Variants in PKP4 observed in about 807,000 individuals in gnomAD.
The protein encoded by PKP4 is plakophilin-4.
Under a neutral mutation model 145.1 loss-of-function variants are expected in PKP4, and 90 were observed. The ratio of observed to expected loss-of-function variants is 0.62; its 90% CI spans 0.52 to 0.74. PKP4 has a LOEUF of 0.74. Among genes scored for constraint, PKP4 ranks in the 30% least tolerant of loss-of-function variants. The pLI is 0.00. For synonymous variants in PKP4, 563 were observed against 577.2 expected (o/e 0.98, Z 0.35); for missense variants, 1,340 against 1,482.7 (o/e 0.90, Z 1.58).
chr2:158,577,877 AAATG>A (rs1173765029), intron 3 of PKP4, among the ~76,000 whole-genome samples: 1 of 152,234 alleles, frequency 6.6e-6, no homozygotes, highest in Non-Finnish European at 1.5e-5. Context: ...AGTAAATACT[AAATG>A]AGTGCATTAC....
intron 1 of PKP4, among the ~76,000 whole-genome samples, chr2:158,486,025 A>G (rs1175727271): frequency 1.3e-5 from 2 of 152,168 alleles, no homozygotes; most frequent in African/African-American, 4.8e-5. Flanking sequence ...AAATCTATGT[A>G]ATTATTAATA....
In PKP4 at chr2:158,634,164, G is replaced by A. The variant is rs200605632; in HGVS notation, c.1437G>A (p.Ala479=). The A allele has an allele frequency of 6.0e-5, 97 of 1,613,884 alleles. No individual in the cohort carries two copies. The highest frequency in any genetic ancestry group is 7.7e-5 in the South Asian group (7 of 91,078). ...CTCTGAACACAACAGCTACCTACGC[G>A]GAGCCCTACAGGCCTATACAATACC... The part of the protein sequence containing the change: ...NYALNTTATY[A]EPYRPIQYRV... The change falls in exon 9 of 22, where the codon GCG becomes GCA. Residue 479 remains alanine, a synonymous_variant. Coordinates refer to ENST00000389759, the MANE Select transcript of PKP4 (RefSeq NM_003628.6).
Position 158,621,257 on chromosome 2 carries a change from A to G in PKP4, c.439A>G (p.Thr147Ala). The G allele has an allele frequency of 6.2e-7, 1 of 1,614,218 alleles. No homozygotes were observed. The highest frequency in any genetic ancestry group is 1.1e-5 in the South Asian group (1 of 91,088). ...ATCATTGGGTAACTCAAGAAGTTCA[A>G]CACAAATGAATTCTTATTCCGACAG... ...EGSLGNSRSSTQMNSYSDSGY... is the reference protein window; with the variant it reads ...EGSLGNSRSSAQMNSYSDSGY... Residue 147 changes from threonine to alanine, a missense_variant, in exon 6 of 22, where the codon ACA becomes GCA. Transcript: ENST00000389759.
intron 11 of PKP4, among the ~76,000 whole-genome samples, chr2:158,654,261 T>C (rs1460987921): frequency 6.6e-6 from 1 of 152,310 alleles, no homozygotes; most frequent in East Asian, 1.9e-4. Flanking sequence ...GTGATAAAGC[T>C]GCCTTTTGGT....
intron 2 of PKP4, among the ~76,000 whole-genome samples, chr2:158,551,131 C>T (rs910197900): frequency 2.6e-5 from 4 of 152,088 alleles, no homozygotes. Flanking sequence ...TGCTTTTAGG[C>T]TTACGTGGAA....
At chr2:158,568,304 C>CGA (rs1413741670) in intron 2 of PKP4, among the ~76,000 whole-genome samples, 1 of 152,198 alleles carries the variant, frequency 6.6e-6, no homozygotes, top group Non-Finnish European at 1.5e-5. Context: ...TGCCATTGCA[C>CGA]TCCAGCCTGG....
chr2:158,667,203 G>A (rs751572208), intron 16 of PKP4, among the ~76,000 whole-genome samples: 3 of 152,166 alleles, frequency 2.0e-5, no homozygotes, highest in African/African-American at 4.8e-5. Flanking sequence ...TTGCCTCTGC[G>A]GCATTGCCAC....
intron 1 of PKP4, among the ~76,000 whole-genome samples, chr2:158,484,630 G>C (rs1475765316): frequency 2.0e-5 from 3 of 152,178 alleles, no homozygotes; most frequent in African/African-American, 7.2e-5. Context: ...CCTTACCTAA[G>C]AGGCCTCTGG....
chr2:158,466,095 G>C (rs1449710537), intron 1 of PKP4, among the ~76,000 whole-genome samples: 1 of 152,128 alleles, frequency 6.6e-6, no homozygotes, highest in Non-Finnish European at 1.5e-5. Flanking sequence ...AAATAGTCCT[G>C]CTCTAAGCTA....
chr2:158,563,585 A>G (rs1265612516), intron 2 of PKP4, among the ~76,000 whole-genome samples: 1 of 152,108 alleles, frequency 6.6e-6, no homozygotes, highest in East Asian at 1.9e-4. Flanking sequence ...ATATTTAGCT[A>G]TTCCCATTTT....
At chr2:158,576,455 G>A (rs11693845) in intron 2 of PKP4, among the ~76,000 whole-genome samples, 30,319 of 152,072 alleles carry the variant, frequency 0.2, 3,890 homozygotes, top group Middle Eastern at 0.36. Flanking sequence ...CCTTTGGAAT[G>A]TACTTGATCT....
rs1211796740 is a variant in PKP4 at position 158,640,700 on chromosome 2, G to T, written c.1636G>T (p.Ala546Ser). Residue 546 changes from alanine (A) to serine (S), a missense_variant, in exon 10 of 22, where the codon GCA becomes TCA. Coordinates refer to ENST00000389759, the MANE Select transcript of PKP4 (RefSeq NM_003628.6). ...TCAGCACCAGTTCCCATCTGTTCAG[G>T]CAAATGCAGCGGCCTACCTGCAGCA... ...MLQHQFPSVQANAAAYLQHLC... is the reference protein window; with the variant it reads ...MLQHQFPSVQSNAAAYLQHLC... 6.2e-7 allele frequency: 1 copy of T among 1,614,076 alleles called. No individual in the cohort carries two copies. Among genetic ancestry groups the T allele is most frequent in the South Asian group, 1.1e-5 (1 of 91,084 alleles).
chr2:158,544,655 C>G (rs1386159587), intron 2 of PKP4, among the ~76,000 whole-genome samples: 1 of 152,176 alleles, frequency 6.6e-6, no homozygotes, highest in Admixed American at 6.5e-5. Context: ...ATGAATTGAA[C>G]ATCCCACCAG....
At chr2:158,634,504 A>G (rs1367569090) in intron 9 of PKP4, among the ~76,000 whole-genome samples, 2 of 152,132 alleles carry the variant, frequency 1.3e-5, no homozygotes, top group Admixed American at 1.3e-4. Context: ...TCCTTTCATA[A>G]TAAGTTAGAG....
At chr2:158,475,179 T>C (rs559881268) in intron 1 of PKP4, among the ~76,000 whole-genome samples, 5 of 152,322 alleles carry the variant, frequency 3.3e-5, no homozygotes, top group South Asian at 2.1e-4. Flanking sequence ...GATACTTTTA[T>C]AGCTGTCTTA....
chr2:158,595,570 G>A (rs567015293), intron 3 of PKP4, among the ~76,000 whole-genome samples: 143 of 152,214 alleles, frequency 9.4e-4, no homozygotes, highest in African/African-American at 3.1e-3. Flanking sequence ...AGAGATAGAC[G>A]GAGTAAAGTT....
chr2:158,459,813 GACAC>G (rs771328129), intron 1 of PKP4, among the ~76,000 whole-genome samples: 3 of 141,126 alleles, frequency 2.1e-5, no homozygotes, highest in Non-Finnish European at 4.7e-5. Flanking sequence ...ACACACACAC[GACAC>G]ACACACACAC....
At chr2:158,531,934 G>T (rs879807807) in intron 1 of PKP4, among the ~76,000 whole-genome samples, 2 of 152,144 alleles carry the variant, frequency 1.3e-5, no homozygotes, top group Non-Finnish European at 2.9e-5. Context: ...CTATTAATAT[G>T]GCAAGAATAA....
chr2:158,645,902 A>G (rs1161865033), intron 11 of PKP4, among the ~76,000 whole-genome samples: 1 of 152,260 alleles, frequency 6.6e-6, no homozygotes, highest in Non-Finnish European at 1.5e-5. Flanking sequence ...TACTTTAAGT[A>G]GAGCCCGACT....
Sources: gnomAD v4.1 joint callset for allele counts (sites outside exome capture counted in the v4.1 genomes callset) on GRCh38, gnomAD v4.1.1 for gene constraint, MANE v1.5 for transcripts, NCBI Gene and HGNC (gene_info 2026-07-23, HGNC 2026-07-21) for gene names.